The following BMP6 variants were observed in gnomAD, a reference collection of about 807,000 sequenced individuals.
BMP6 encodes VG-1-R.
Under a neutral mutation model 54.1 loss-of-function variants are expected in BMP6, and 17 were observed. That is an observed-to-expected ratio of 0.31 (90% CI 0.22 to 0.47). The LOEUF (loss-of-function observed/expected upper bound fraction) is 0.47, where lower values mean the gene tolerates loss of function less well. BMP6 is among the 20% of genes least tolerant of loss of function. The pLI, the probability that BMP6 is intolerant of heterozygous loss-of-function variation, is 1.00. For missense variants in BMP6, 720 were observed against 690.4 expected (o/e 1.04, Z -0.48); for synonymous variants, 328 against 291.2 (o/e 1.13, Z -1.28).
At chr6:7,804,537 G>T (rs1363230060) in intron 1 of BMP6, among the ~76,000 whole-genome samples, 1 of 152,128 alleles carries the variant, frequency 6.6e-6, no homozygotes, top group Non-Finnish European at 1.5e-5. Flanking sequence ...TTCACATTCA[G>T]TCTGGACTTC....
At chr6:7,781,299 A>G (rs745682113) in intron 1 of BMP6, among the ~76,000 whole-genome samples, 9 of 152,226 alleles carry the variant, frequency 5.9e-5, no homozygotes, top group South Asian at 2.1e-4. Flanking sequence ...TAAAGTTCAC[A>G]TGGCCAGTAA....
At chr6:7,819,098 C>T (rs1036711866) in intron 1 of BMP6, among the ~76,000 whole-genome samples, 31 of 152,158 alleles carry the variant, frequency 2.0e-4, no homozygotes, top group Non-Finnish European at 4.4e-4. Context: ...GGCACACAGA[C>T]AGGCGTGTGG....
chr6:7,747,742 G>A (rs1757367312), intron 1 of BMP6, among the ~76,000 whole-genome samples: 1 of 152,078 alleles, frequency 6.6e-6, no homozygotes, highest in Admixed American at 6.6e-5. Flanking sequence ...AACATCCCGG[G>A]CTCAAGCGAT....
intron 4 of BMP6, among the ~76,000 whole-genome samples, chr6:7,869,278 C>G (rs930219867): frequency 6.6e-6 from 1 of 152,252 alleles, no homozygotes; most frequent in African/African-American, 2.4e-5. Flanking sequence ...GGAAGCCTGC[C>G]TGTCACTGGC....
intron 1 of BMP6, among the ~76,000 whole-genome samples, chr6:7,803,557 G>A (rs1381733740): frequency 6.6e-6 from 1 of 152,198 alleles, no homozygotes. Flanking sequence ...TCTACTTCAA[G>A]CCTTTGTCCA....
At chr6:7,841,738 G>A (rs910887485) in intron 1 of BMP6, among the ~76,000 whole-genome samples, 2 of 152,142 alleles carry the variant, frequency 1.3e-5, no homozygotes. Context: ...TCAGAGGCTC[G>A]TGGATGACAC....
rs901946205 is a variant in BMP6, at chr6:7,727,521, C to T, written c.566C>T (p.Ala189Val). ...AHPLNRKSLL[A>V]PGSGSGGASP... ...CCGCTCAACCGCAAGAGCCTTCTGG[C>T]CCCCGGATCTGGCAGCGGCGGCGCG... Residue 189 changes from alanine to valine, a missense_variant, in exon 1 of 7, where the codon GCC (alanine) becomes GTC (valine). Around this residue, in one of 3 missense-constraint regions of BMP6, gnomAD observed 650 missense variants for 556.3 expected, o/e 1.17. Coordinates refer to ENST00000283147, the MANE Select transcript of BMP6 (RefSeq NM_001718.6). The T allele has an allele frequency of 4.4e-6, 7 of 1,595,266 alleles. No individual in the cohort carries two copies. Among genetic ancestry groups the T allele is most frequent in the African/African-American group, 2.7e-5 (2 of 74,534 alleles).
chr6:7,727,564 G>A lies in BMP6; in HGVS notation c.609G>A (p.Ala203=), dbSNP rs770466865. The change falls in exon 1 of 7, where the codon GCG becomes GCA. Residue 203 remains alanine (A), a synonymous_variant. Transcript: ENST00000283147. Reference sequence around the variant, plus strand: ...GCGGCGCGTCCCCACTGACCAGCGCGCAGGACAGCGCCTTCCTCAACGACG... The same window carrying A: ...GCGGCGCGTCCCCACTGACCAGCGCACAGGACAGCGCCTTCCTCAACGACG... ...GSGGASPLTS[A]QDSAFLNDAD... is the part of the protein sequence containing the mutation. The A allele has an allele frequency of 9.5e-6, 15 of 1,587,256 alleles. No individual in the cohort carries two copies. The highest frequency in any genetic ancestry group is 1.1e-5 in the Non-Finnish European group (13 of 1,175,150).
At chr6:7,728,851 A>T (rs887793628) in intron 1 of BMP6, among the ~76,000 whole-genome samples, 2 of 152,182 alleles carry the variant, frequency 1.3e-5, no homozygotes, top group African/African-American at 4.8e-5. Flanking sequence ...TTTTAACGGC[A>T]TTACTTACTG....
intron 1 of BMP6, among the ~76,000 whole-genome samples, chr6:7,823,894 A>G (rs1239189519): frequency 3.3e-5 from 5 of 152,184 alleles, no homozygotes; most frequent in Admixed American, 6.5e-5. Flanking sequence ...AATACCCTGA[A>G]AAGGTTTTTG....
chr6:7,842,733 CAGA>C lies in BMP6; in HGVS notation c.665-2403_665-2401del, dbSNP rs1363195289. On this transcript the variant is annotated intron_variant, in intron 1 of 6. Coordinates refer to ENST00000283147, the MANE Select transcript of BMP6 (RefSeq NM_001718.6). ...GGTTTATTGGGAATGGCATACCTCT[CAGA>C]AGACCAGCTACCACATTTCTCCTTT... 4.6e-5 allele frequency among the ~76,000 whole-genome samples: 7 copies of C among 152,344 alleles called. No homozygotes were observed. In the East Asian group the frequency reaches 1.3e-3, roughly 29 times the overall value.
At chr6:7,813,112 T>TAG (rs1561780034) in intron 1 of BMP6, among the ~76,000 whole-genome samples, 1 of 20,452 alleles carries the variant, frequency 4.9e-5, no homozygotes, top group Non-Finnish European at 7.2e-5. Context: ...AAAAAAAATA[T>TAG]ATATATATAT....
rs188865809 is a variant in BMP6, at chr6:7,805,837, A to G, written c.665-39303A>G. The stretch of plus-strand genomic sequence containing the variant: ...AATCAAAAGACCATTAAAATCTTAA[A>G]TATGCCATGATTTGAAAAACGTCCC... On this transcript the variant is annotated intron_variant, in intron 1 of 6. Coordinates refer to ENST00000283147, the MANE Select transcript of BMP6 (RefSeq NM_001718.6). 2.2e-4 allele frequency among the ~76,000 whole-genome samples: 34 copies of G among 152,336 alleles called. No homozygotes were observed. In the East Asian group the frequency reaches 3.5e-3, roughly 16 times the overall value.
intron 1 of BMP6, among the ~76,000 whole-genome samples, chr6:7,794,239 A>G (rs951735191): frequency 6.6e-6 from 1 of 152,192 alleles, no homozygotes; most frequent in African/African-American, 2.4e-5. Context: ...TTGAAAGCCA[A>G]AAGTTGGGCC....
At chr6:7,870,579 C>A (rs1256358111) in intron 4 of BMP6, among the ~76,000 whole-genome samples, 4 of 152,276 alleles carry the variant, frequency 2.6e-5, no homozygotes, top group African/African-American at 7.2e-5. Context: ...TGCTGAAGAA[C>A]CTTCCTTAGG....
chr6:7,843,789 T>G (rs1425593744), intron 1 of BMP6, among the ~76,000 whole-genome samples: 1 of 152,218 alleles, frequency 6.6e-6, no homozygotes. Flanking sequence ...CACAGGACTT[T>G]GTATAGACAC....
intron 1 of BMP6, among the ~76,000 whole-genome samples, chr6:7,821,127 G>A (rs1758605404): frequency 6.6e-6 from 1 of 152,194 alleles, no homozygotes; most frequent in Non-Finnish European, 1.5e-5. Flanking sequence ...TTTCTCCAGT[G>A]GTCCCTTTCT....
At chr6:7,829,091 A>G (rs973368929) in intron 1 of BMP6, among the ~76,000 whole-genome samples, 1 of 152,204 alleles carries the variant, frequency 6.6e-6, no homozygotes, top group African/African-American at 2.4e-5. Flanking sequence ...CAAAACTTGA[A>G]CATTTCCTTA....
At chr6:7,793,282 C>A (rs978552851) in intron 1 of BMP6, among the ~76,000 whole-genome samples, 4 of 150,930 alleles carry the variant, frequency 2.7e-5, no homozygotes, top group African/African-American at 7.3e-5. Flanking sequence ...GAAAAGGTTA[C>A]ATACTATATA....
Sources: gnomAD v4.1 joint callset for allele counts (sites outside exome capture counted in the v4.1 genomes callset) on GRCh38, gnomAD v4.1.1 for gene constraint, gnomAD v4.1.1 regional missense constraint, MANE v1.5 for transcripts, NCBI Gene and HGNC (gene_info 2026-07-23, HGNC 2026-07-21) for gene names.